Variants in RPH3A observed in about 807,000 individuals in gnomAD.
RPH3A encodes the protein rabphilin-3A.
Under a neutral mutation model 102.2 loss-of-function variants are expected in RPH3A, and 48 were observed. That is an observed-to-expected ratio of 0.47 (90% CI 0.37 to 0.60). The LOEUF is 0.60. RPH3A is among the 20% of genes least tolerant of loss of function. RPH3A has a pLI of 0.00. For missense variants in RPH3A, 781 were observed against 910.1 expected (o/e 0.86, Z 1.83); for synonymous variants, 310 against 324.3 (o/e 0.96, Z 0.47).
intron 1 of RPH3A, among the ~76,000 whole-genome samples, chr12:112,761,709 C>T (rs546849076): frequency 6.6e-6 from 1 of 152,322 alleles, no homozygotes; most frequent in African/African-American, 2.4e-5. Context: ...CAAGGACACC[C>T]GCTGATGGAC....
At chr12:112,576,103 T>A (rs73193163) in intron 1 of RPH3A, among the ~76,000 whole-genome samples, 2,570 of 152,312 alleles carry the variant, frequency 0.017, 28 homozygotes, top group Middle Eastern at 0.031. Context: ...TTGCTACTTG[T>A]GATGACCCTG....
intron 9 of RPH3A, 40 bp from the exon 10 acceptor site, chr12:112,869,853 C>G: frequency 1.2e-6 from 2 of 1,614,146 alleles, no homozygotes; most frequent in Non-Finnish European, 1.7e-6. Flanking sequence ...CTAATTCCCT[C>G]GATGCCCTTT....
intron 1 of RPH3A, among the ~76,000 whole-genome samples, chr12:112,641,149 G>A (rs2039887164): frequency 2.0e-5 from 3 of 152,262 alleles, no homozygotes; most frequent in South Asian, 2.1e-4. Flanking sequence ...CATTTGCATC[G>A]CAGAAAGCAA....
chr12:112,875,042 TG>T, intron 10 of RPH3A, 41 bp from the exon 11 acceptor site: 1 of 1,514,074 alleles, frequency 6.6e-7, no homozygotes, highest in Non-Finnish European at 9.0e-7. Flanking sequence ...TGTGTGTGTG[TG>T]TGTGACACAT....
chr12:112,690,170 G>A (rs1027558039), intron 1 of RPH3A, among the ~76,000 whole-genome samples: 1 of 152,142 alleles, frequency 6.6e-6, no homozygotes, highest in African/African-American at 2.4e-5. Flanking sequence ...AATTGGTTAA[G>A]CATAAAAATA....
At chr12:112,729,875 G>A (rs2040621077) in intron 1 of RPH3A, among the ~76,000 whole-genome samples, 1 of 152,196 alleles carries the variant, frequency 6.6e-6, no homozygotes, top group Non-Finnish European at 1.5e-5. Context: ...TAATACCTCA[G>A]AGTGTGACCT....
rs1385857003 is a variant in RPH3A, at chr12:112,876,867, G to A, written c.1171+1G>A. The A allele has an allele frequency of 6.3e-7, 1 of 1,591,298 alleles. No individual in the cohort carries two copies. On this transcript the variant is annotated splice_donor_variant, in intron 13 of 21. Coordinates refer to ENST00000389385, the MANE Select transcript of RPH3A (RefSeq NM_001143854.2). LOFTEE classifies it high-confidence loss of function. Reference sequence around the variant, plus strand: ...AACAGCTACGATTCGGATGAAGCAAGTAGGTGGTGCCTAAGGGAGAGGTAT... The same window carrying A: ...AACAGCTACGATTCGGATGAAGCAAATAGGTGGTGCCTAAGGGAGAGGTAT...
chr12:112,725,489 G>A (rs186774860), intron 1 of RPH3A, among the ~76,000 whole-genome samples: 3 of 152,194 alleles, frequency 2.0e-5, no homozygotes, highest in Admixed American at 6.5e-5. Context: ...AGTGTGAATC[G>A]TGGTAGACAC....
At chr12:112,609,100 C>A (rs2039619477) in intron 1 of RPH3A, among the ~76,000 whole-genome samples, 1 of 152,184 alleles carries the variant, frequency 6.6e-6, no homozygotes, top group Admixed American at 6.5e-5. Context: ...TTCCCCAAAT[C>A]CTCACAGACT....
chr12:112,650,387 A>G (rs1025922296), intron 1 of RPH3A, among the ~76,000 whole-genome samples: 1 of 152,194 alleles, frequency 6.6e-6, no homozygotes, highest in African/African-American at 2.4e-5. Context: ...GACAGGCTTG[A>G]TCATTGCCAA....
intron 2 of RPH3A, among the ~76,000 whole-genome samples, chr12:112,800,447 A>G (rs2041321517): frequency 6.6e-6 from 1 of 152,180 alleles, no homozygotes. Context: ...AGATCTGGTT[A>G]GACAGGACCT....
At chr12:112,856,865 C>T (rs1360642312) in intron 5 of RPH3A, among the ~76,000 whole-genome samples, 1 of 152,138 alleles carries the variant, frequency 6.6e-6, no homozygotes, top group Non-Finnish European at 1.5e-5. Flanking sequence ...GGCTTTATTT[C>T]CCTAATTTAC....
intron 6 of RPH3A, 82 bp downstream of exon 6, chr12:112,865,625 G>A: frequency 6.9e-7 from 1 of 1,444,094 alleles, no homozygotes. Flanking sequence ...AGGGGTCACT[G>A]GGTCTTGGGG....
At chr12:112,841,690 T>G (rs2042147537) in intron 4 of RPH3A, among the ~76,000 whole-genome samples, 1 of 132,666 alleles carries the variant, frequency 7.5e-6, no homozygotes, top group South Asian at 2.4e-4. Context: ...AAAGCTTGAG[T>G]TTTTTTTGTT....
rs77935841 is a variant in RPH3A, at chr12:112,699,718, A to G, written c.-139-92425A>G. 4.2e-3 allele frequency among the ~76,000 whole-genome samples: 635 copies of G among 152,350 alleles called. 11 individuals carry two copies. Among genetic ancestry groups the G allele is most frequent in the Admixed American group, 0.027 (416 of 15,302 alleles). The stretch of plus-strand genomic sequence containing the variant: ...TGGTTTCACTTGTCAAAACTCATCA[A>G]ACTGCACGCTTAAAATCTGTTCGTT... On this transcript the variant is annotated intron_variant, in intron 1 of 21. Transcript: ENST00000543106.
chr12:112,872,814 C>T (rs373488036), intron 10 of RPH3A, among the ~76,000 whole-genome samples: 61 of 152,308 alleles, frequency 4.0e-4, no homozygotes, highest in African/African-American at 1.4e-3. Flanking sequence ...TTTGAATCCC[C>T]TGTCCCTCAG....
At chr12:112,796,974 C>T (rs893135103) in intron 2 of RPH3A, among the ~76,000 whole-genome samples, 3 of 151,934 alleles carry the variant, frequency 2.0e-5, no homozygotes, top group East Asian at 1.9e-4. Flanking sequence ...TACTTGAACC[C>T]GGGAGATAGA....
chr12:112,592,377 G>A (rs1409696179), intron 1 of RPH3A, among the ~76,000 whole-genome samples: 1 of 152,148 alleles, frequency 6.6e-6, no homozygotes, highest in Non-Finnish European at 1.5e-5. Flanking sequence ...GGAGTGCAGT[G>A]GTGTGATCTT....
chr12:112,814,624 T>C (rs911154250), intron 2 of RPH3A, among the ~76,000 whole-genome samples: 1 of 152,032 alleles, frequency 6.6e-6, no homozygotes, highest in African/African-American at 2.4e-5. Context: ...AGACTGCAGG[T>C]ATTAAAGGGA....
Sources: gnomAD v4.1 joint callset for allele counts (sites outside exome capture counted in the v4.1 genomes callset) on GRCh38, gnomAD v4.1.1 for gene constraint, MANE v1.5 for transcripts, NCBI Gene and HGNC (gene_info 2026-07-23, HGNC 2026-07-21) for gene names.